The following MAPK8IP3 variants were observed in gnomAD, a reference collection of about 807,000 sequenced individuals.
MAPK8IP3 encodes the protein C-Jun-amino-terminal kinase-interacting protein 3.
Under a neutral mutation model 157.8 loss-of-function variants are expected in MAPK8IP3, and 49 were observed. The observed-to-expected ratio is 0.31, with a 90% CI of 0.25 to 0.39. The LOEUF (loss-of-function observed/expected upper bound fraction) is 0.39, where lower values mean the gene tolerates loss of function less well. Among genes scored for constraint, MAPK8IP3 ranks in the 10% least tolerant of loss-of-function variants. The pLI is 1.00. For missense variants in MAPK8IP3, 1,478 were observed against 1,889.4 expected (o/e 0.78, Z 4.04); for synonymous variants, 897 against 777.7 (o/e 1.15, Z -2.55).
At chr16:1,727,414 CTG>C (rs767054079) in intron 2 of MAPK8IP3, among the ~76,000 whole-genome samples, 1 of 152,048 alleles carries the variant, frequency 6.6e-6, no homozygotes, top group African/African-American at 2.4e-5. Flanking sequence ...CATGCAGCGT[CTG>C]TGAGTCACAT....
At chr16:1,722,666 A>G (rs2038604853) in intron 1 of MAPK8IP3, among the ~76,000 whole-genome samples, 1 of 151,742 alleles carries the variant, frequency 6.6e-6, no homozygotes, top group South Asian at 2.1e-4. Flanking sequence ...GGAGTTTGAG[A>G]CCAACCTGGG....
In MAPK8IP3 at chr16:1,764,318, C is replaced by G. The variant is rs370857322; in HGVS notation, c.2139C>G (p.Gly713=). The G allele has an allele frequency of 3.2e-6, 5 of 1,576,138 alleles. No individual in the cohort carries two copies. Among genetic ancestry groups the G allele is most frequent in the Non-Finnish European group, 4.3e-6 (5 of 1,162,210 alleles). Residue 713 remains glycine, a synonymous_variant, in exon 19 of 32, where the codon GGC becomes GGG. Transcript: ENST00000610761. ...DPTMKLWCAA[G]VNLSGWRPNE... is the part of the protein sequence containing the mutation. ...CCTTGCAGCTGTGGTGTGCCGCGGG[C>G]GTCAACCTGAGCGGGTGGAGGCCCA...
chr16:1,730,504 C>T (rs1401688346), intron 4 of MAPK8IP3, among the ~76,000 whole-genome samples: 1 of 151,742 alleles, frequency 6.6e-6, no homozygotes, highest in Non-Finnish European at 1.5e-5. Flanking sequence ...CTTTGGGAGG[C>T]CGAGGTGGGC....
chr16:1,748,735 TC>T lies in MAPK8IP3; in HGVS notation c.1216+20del, dbSNP rs2041117373. The T allele has an allele frequency of 6.3e-7, 1 of 1,595,636 alleles. No homozygotes were observed. The highest frequency in any genetic ancestry group is 8.6e-7 in the Non-Finnish European group (1 of 1,163,242). On this transcript the variant is annotated intron_variant, in intron 8 of 31. Transcript: ENST00000610761. ...CGACCTCCTAGGTAAGCGCAAGCCT[TC>T]CCCCGCACCGCTGTGCCTGCACAAT...
chr16:1,709,180 G>A (rs752539176), intron 1 of MAPK8IP3, among the ~76,000 whole-genome samples: 1 of 152,212 alleles, frequency 6.6e-6, no homozygotes, highest in Non-Finnish European at 1.5e-5. Context: ...AGACATCCCT[G>A]TTCCCATCTT....
chr16:1,719,503 A>C (rs754728304), intron 1 of MAPK8IP3, among the ~76,000 whole-genome samples: 3 of 152,080 alleles, frequency 2.0e-5, no homozygotes, highest in Non-Finnish European at 4.4e-5. Flanking sequence ...ATAACACCAC[A>C]ACACCAGTTT....
rs1368874482 is a variant in MAPK8IP3, at chr16:1,738,409, C to T, written c.603-4923C>T. 4.5e-5 allele frequency among the ~76,000 whole-genome samples: 4 copies of T among 88,212 alleles called. 1 individual carries two copies. Among genetic ancestry groups the T allele is most frequent in the African/African-American group, 1.5e-4 (3 of 19,680 alleles). The allele number at this position is 88,212 out of a possible 152,430, so 57.9% of individuals were successfully genotyped here. On this transcript the variant is annotated intron_variant, in intron 4 of 31. Coordinates refer to ENST00000610761, the MANE Select transcript of MAPK8IP3 (RefSeq NM_001318852.2). ...GCATCCGTGTGACCGTGTGAGCGTCCGTGTGAGCGTGTGACCGTGTGAGAG... is the reference window on the plus strand; with the variant it reads ...GCATCCGTGTGACCGTGTGAGCGTCTGTGTGAGCGTGTGACCGTGTGAGAG...
chr16:1,729,586 G>GGGCGC lies in MAPK8IP3; in HGVS notation c.602+13_602+17dup, dbSNP rs761936651. 15 of 1,582,924 alleles carry GGGCGC rather than the reference G, an allele frequency of 9.5e-6. No homozygotes were observed. Among genetic ancestry groups the GGGCGC allele is most frequent in the Middle Eastern group, 3.4e-4 (2 of 5,876 alleles). ...CAGCCTGCCGGGGCGGAGGTACGCG[G>GGGCGC]GGCGCGGCGGGGTGGAGGTACGCGG... On this transcript the variant is annotated intron_variant, in intron 4 of 31. Coordinates refer to ENST00000610761, the MANE Select transcript of MAPK8IP3 (RefSeq NM_001318852.2).
intron 1 of MAPK8IP3, among the ~76,000 whole-genome samples, chr16:1,707,019 G>A (rs964449962): frequency 6.6e-6 from 1 of 151,450 alleles, no homozygotes; most frequent in Non-Finnish European, 1.5e-5. Flanking sequence ...TCATCCCCGG[G>A]GAGCTCAGCT....
Position 1,722,039 on chromosome 16 carries a change from G to C in MAPK8IP3, c.319-2518G>C, listed in dbSNP as rs1296350956. On this transcript the variant is annotated intron_variant, in intron 1 of 31. Coordinates refer to ENST00000610761, the MANE Select transcript of MAPK8IP3 (RefSeq NM_001318852.2). ...CCCGCCTCGGCCTCCCAGAGTGCTGGGATTACAGGCGTGAGCCACCGCACC... is the reference window on the plus strand; with the variant it reads ...CCCGCCTCGGCCTCCCAGAGTGCTGCGATTACAGGCGTGAGCCACCGCACC... Among the ~76,000 whole-genome samples, 10 of 152,110 alleles carry C rather than the reference G, an allele frequency of 6.6e-5. No homozygotes were observed. The East Asian group carries it at 1.7e-3, about 26-fold the overall frequency.
rs1180115778 is a variant in MAPK8IP3, at chr16:1,762,266, C to A, written c.1540-85C>A. 2.7e-6 allele frequency: 4 copies of A among 1,474,150 alleles called. No homozygotes were observed. The African/African-American group carries it at 5.6e-5, about 21-fold the overall frequency. The allele number at this position is 1,474,150 out of a possible 1,614,324, so 91.3% of individuals were successfully genotyped here. The stretch of plus-strand genomic sequence containing the variant: ...TGAAGGAAATTGGCACTGAGATCCA[C>A]CTATACGTGTAGGCACCCCAGGAGG... On this transcript the variant is annotated intron_variant, in intron 13 of 31. Coordinates refer to ENST00000610761, the MANE Select transcript of MAPK8IP3 (RefSeq NM_001318852.2).
chr16:1,766,050 G>A lies in MAPK8IP3; in HGVS notation c.2537G>A (p.Gly846Asp). 1 of 1,612,824 alleles carries A rather than the reference G, an allele frequency of 6.2e-7. No homozygotes were observed. The highest frequency in any genetic ancestry group is 8.5e-7 in the Non-Finnish European group (1 of 1,179,956). Residue 846 changes from glycine to aspartate, a missense_variant, in exon 21 of 32, where the codon GGT becomes GAT. Transcript: ENST00000610761. ...EDPGADGVLA[G>D]ITLVGCATRC... ...CCGGGCGCAGATGGCGTGCTGGCCG[G>A]TATCACCCTGGTGGGCTGTGCCACC...
rs557434951 is a variant in MAPK8IP3, at chr16:1,753,868, T to C, written c.1217-4280T>C. On this transcript the variant is annotated intron_variant, in intron 8 of 31. Transcript: ENST00000610761. ...GTTAACATGAGGAAAAAAATGTACG[T>C]CTTAGAATTGGTATACTAGGACCGG... Among the ~76,000 whole-genome samples, 4 of 152,034 alleles carry C rather than the reference T, an allele frequency of 2.6e-5. No homozygotes were observed. The South Asian group carries it at 8.3e-4, about 32-fold the overall frequency.
intron 5 of MAPK8IP3, chr16:1,745,302 T>C: frequency 2.2e-6 from 1 of 450,558 alleles, no homozygotes; most frequent in Non-Finnish European, 2.9e-6. Context: ...CCTGGCCACA[T>C]GGGGTTCCCT....
At chr16:1,766,830 G>A (rs754760448) in intron 24 of MAPK8IP3, 27 bp downstream of exon 24, 72 of 1,612,350 alleles carry the variant, frequency 4.5e-5, no homozygotes, top group Non-Finnish European at 5.9e-5. Context: ...CGAGGGCCGG[G>A]CGGCGCGGGG....
At chr16:1,759,081 A>T (rs1291981060) in intron 10 of MAPK8IP3, 86 bp downstream of exon 10, 6 of 1,569,098 alleles carry the variant, frequency 3.8e-6, no homozygotes, top group Non-Finnish European at 5.3e-6. Flanking sequence ...TTTGTTCTGC[A>T]TGATGGGGAC....
At chr16:1,719,305 C>G (rs1276500957) in intron 1 of MAPK8IP3, among the ~76,000 whole-genome samples, 1 of 151,964 alleles carries the variant, frequency 6.6e-6, no homozygotes, top group Non-Finnish European at 1.5e-5. Context: ...AAAAAAATGG[C>G]CCCTTCCTAA....
intron 1 of MAPK8IP3, among the ~76,000 whole-genome samples, chr16:1,711,408 T>C (rs1333495365): frequency 6.6e-6 from 1 of 152,214 alleles, no homozygotes; most frequent in African/African-American, 2.4e-5. Context: ...ATATGGAGCA[T>C]GTCCTCAGGC....
At chr16:1,730,412 T>C (rs1025774642) in intron 4 of MAPK8IP3, among the ~76,000 whole-genome samples, 3 of 150,882 alleles carry the variant, frequency 2.0e-5, no homozygotes, top group Non-Finnish European at 2.9e-5. Flanking sequence ...GAGACTAGCT[T>C]GGCCAATGTG....
Sources: allele counts gnomAD v4.1 joint callset (sites outside exome capture counted in the v4.1 genomes callset), GRCh38; gene constraint gnomAD v4.1.1; transcripts MANE v1.5; gene names NCBI Gene and HGNC (gene_info 2026-07-23, HGNC 2026-07-21).